GAN: variants seen among roughly 807,000 people sequenced by gnomAD.
The protein encoded by GAN is epididymis secretory sperm binding protein.
In GAN, 48 loss-of-function variants were observed where a neutral mutation model predicts 71.3. The ratio of observed to expected loss-of-function variants is 0.67; its 90% CI spans 0.53 to 0.86. The LOEUF (loss-of-function observed/expected upper bound fraction) is 0.86, where lower values mean the gene tolerates loss of function less well. Among genes scored for constraint, GAN ranks in the 40% least tolerant of loss-of-function variants. The probability of loss-of-function intolerance (pLI) is 0.00; values close to 1 mark genes in which losing one functional copy is unlikely to be tolerated. For missense variants in GAN, 928 were observed against 770.1 expected, an observed-to-expected ratio of 1.21 and a Z score of -2.43; for synonymous variants, 386 against 276.8, an observed-to-expected ratio of 1.39 and a Z score of -3.92.
At position 81,379,414 on chromosome 16, in the gene GAN, A is replaced by C. The variant is rs1206907201; in HGVS notation, c.*1818A>C. ...GTAAGGTTTTTATCTTATATGCCAG[A>C]GGCACCAGGCCAGATGTGCCGCACA... is the stretch of plus-strand genomic sequence containing the variant. On this transcript the variant is annotated 3_prime_UTR_variant, in exon 11 of 11. Transcript: ENST00000648994. The C allele has an allele frequency of 6.6e-6, 1 of 152,214 alleles. No individual in the cohort carries two copies. The highest frequency in any genetic ancestry group is 1.9e-4 in the East Asian group (1 of 5,200). The allele number at this position is 152,214 out of a possible 1,614,324, so 9.4% of individuals were successfully genotyped here.
chr16:81,367,681 T>C (rs892997964), intron 9 of GAN, among the ~76,000 whole-genome samples: 1 of 152,190 alleles, frequency 6.6e-6, no homozygotes, highest in Non-Finnish European at 1.5e-5. Flanking sequence ...AACACACATA[T>C]AACACCAAAT....
intron 1 of GAN, among the ~76,000 whole-genome samples, chr16:81,350,782 G>A (rs1489378203): frequency 6.6e-6 from 1 of 152,170 alleles, no homozygotes; most frequent in African/African-American, 2.4e-5. Flanking sequence ...GCCTCCCAAA[G>A]TGTTGGGATT....
At chr16:81,333,075 C>T (rs1360917965) in intron 1 of GAN, among the ~76,000 whole-genome samples, 1 of 151,758 alleles carries the variant, frequency 6.6e-6, no homozygotes, top group Non-Finnish European at 1.5e-5. Context: ...CCATCTCTAC[C>T]AAAAATACAA....
chr16:81,318,673 G>C (rs1291639844), intron 1 of GAN, among the ~76,000 whole-genome samples: 2 of 152,120 alleles, frequency 1.3e-5, no homozygotes, highest in East Asian at 1.9e-4. Flanking sequence ...CTTTTATTCT[G>C]CTTTATCTTT....
intron 1 of GAN, among the ~76,000 whole-genome samples, chr16:81,344,472 C>T (rs1355114039): frequency 6.6e-6 from 1 of 152,154 alleles, no homozygotes; most frequent in African/African-American, 2.4e-5. Context: ...CACACATCTA[C>T]CACCATCTGA....
intron 3 of GAN, among the ~76,000 whole-genome samples, chr16:81,355,420 A>G (rs1157879765): frequency 6.6e-6 from 1 of 152,208 alleles, no homozygotes; most frequent in Non-Finnish European, 1.5e-5. Context: ...CAGTAGCCAG[A>G]GTGGCACGAT....
chr16:81,353,489 C>T (rs1910374924), intron 2 of GAN, among the ~76,000 whole-genome samples: 1 of 152,170 alleles, frequency 6.6e-6, no homozygotes. Flanking sequence ...ACTCACCATA[C>T]TACTTTCCAC....
chr16:81,318,883 G>C (rs979912954), intron 1 of GAN, among the ~76,000 whole-genome samples: 1 of 152,192 alleles, frequency 6.6e-6, no homozygotes. Context: ...CCAGGAAGGA[G>C]GCAGGACCTC....
rs574483918 is a variant in GAN, at chr16:81,349,232, C to T, written c.168-2351C>T. Among the ~76,000 whole-genome samples the T allele has an allele frequency of 2.6e-5, 4 of 152,010 alleles. No homozygotes were observed. In the South Asian group the frequency reaches 8.3e-4, roughly 32 times the overall value. ...CCTCACCTACCCTGTACTACCAGTT[C>T]CCGGAGCCTTTGGGAAGTCTTCAGT... is the stretch of plus-strand genomic sequence containing the variant. On this transcript the variant is annotated intron_variant, in intron 1 of 10. Transcript: ENST00000648994.
intron 6 of GAN, among the ~76,000 whole-genome samples, chr16:81,363,391 G>C (rs182042083): frequency 7.9e-5 from 12 of 152,294 alleles, no homozygotes; most frequent in Admixed American, 7.8e-4. Context: ...TGGAAGAGTG[G>C]GCTGTTAGGG....
At chr16:81,353,861 G>A (rs1021266623) in intron 2 of GAN, among the ~76,000 whole-genome samples, 1 of 152,132 alleles carries the variant, frequency 6.6e-6, no homozygotes, top group Non-Finnish European at 1.5e-5. Flanking sequence ...GTATCTGTCT[G>A]TGTACCAAAT....
In GAN at chr16:81,365,415, A is replaced by G; in HGVS notation, c.1439A>G (p.Glu480Gly). 6.2e-7 allele frequency: 1 copy of G among 1,613,722 alleles called. No homozygotes were observed. Among genetic ancestry groups the G allele is most frequent in the East Asian group, 2.2e-5 (1 of 44,856 alleles). ...LYVFGGVRSREDAQGSEMVTC... is the reference protein window; with the variant it reads ...LYVFGGVRSRGDAQGSEMVTC... The stretch of plus-strand genomic sequence containing the variant: ...GTGTTTGGGGGAGTCCGAAGTCGTG[A>G]GGACGCCCAGGGTAGCGAGATGGTA... The change falls in exon 9 of 11, where the codon GAG (glutamate) becomes GGG (glycine). Residue 480 changes from glutamate (E) to glycine (G), a missense_variant. Transcript: ENST00000648994.
chr16:81,369,923 T>C (rs979134581), intron 9 of GAN, among the ~76,000 whole-genome samples: 1 of 152,256 alleles, frequency 6.6e-6, no homozygotes, highest in African/African-American at 2.4e-5. Context: ...CTTAATCAGG[T>C]GATCATACTG....
intron 1 of GAN, among the ~76,000 whole-genome samples, chr16:81,349,124 C>T (rs955940139): frequency 9.2e-5 from 14 of 152,076 alleles, no homozygotes; most frequent in Non-Finnish European, 1.5e-4. Flanking sequence ...AAGGAGAATC[C>T]GGAAATTCAA....
intron 7 of GAN, among the ~76,000 whole-genome samples, chr16:81,364,354 C>G (rs1392388024): frequency 1.3e-5 from 2 of 152,204 alleles, no homozygotes; most frequent in African/African-American, 4.8e-5. Flanking sequence ...ACTGCAACCT[C>G]TTTCTGCCTC....
At chr16:81,344,000 C>T (rs978241948) in intron 1 of GAN, among the ~76,000 whole-genome samples, 3 of 152,164 alleles carry the variant, frequency 2.0e-5, no homozygotes, top group Admixed American at 6.5e-5. Flanking sequence ...CATGAGTGAA[C>T]TCCCATTCAC....
intron 1 of GAN, among the ~76,000 whole-genome samples, chr16:81,318,273 T>C (rs1044081923): frequency 2.6e-5 from 4 of 152,236 alleles, no homozygotes; most frequent in Non-Finnish European, 4.4e-5. Flanking sequence ...AGTTTGGTAA[T>C]CTCTGAAGTT....
chr16:81,371,930 G>T (rs1397624024), intron 9 of GAN: 1 of 152,196 alleles, frequency 6.6e-6, no homozygotes, highest in Non-Finnish European at 1.5e-5. Context: ...GTTTACGGCT[G>T]ACACTTGGAG....
chr16:81,334,276 G>A (rs551307800), intron 1 of GAN, among the ~76,000 whole-genome samples: 4 of 152,266 alleles, frequency 2.6e-5, no homozygotes, highest in African/African-American at 4.8e-5. Flanking sequence ...GGAGGCTGTC[G>A]GGGAAGGATA....
Sources: gnomAD v4.1 joint callset for allele counts (sites outside exome capture counted in the v4.1 genomes callset) on GRCh38, gnomAD v4.1.1 for gene constraint, MANE v1.5 for transcripts, NCBI Gene and HGNC (gene_info 2026-07-23, HGNC 2026-07-21) for gene names.